TPP2: variants seen among roughly 807,000 people sequenced by gnomAD.
TPP2 encodes the protein tripeptidyl-peptidase 2.
Under a neutral mutation model 155.9 loss-of-function variants are expected in TPP2, and 34 were observed. That is an observed-to-expected ratio of 0.22 (90% confidence interval 0.17 to 0.29). The LOEUF is 0.29. Among genes scored for constraint, TPP2 ranks in the 10% least tolerant of loss-of-function variants. TPP2 has a pLI of 1.00. For missense variants in TPP2, 1,028 were observed against 1,522.3 expected (o/e 0.68, Z 5.40); for synonymous variants, 510 against 529.4 (o/e 0.96, Z 0.50).
chr13:102,672,322 A>T (rs568123724), intron 27 of TPP2, among the ~76,000 whole-genome samples: 1 of 152,154 alleles, frequency 6.6e-6, no homozygotes, highest in Non-Finnish European at 1.5e-5. Flanking sequence ...CGACCCCCCA[A>T]GTAGAAAGCA....
At position 102,644,681 on chromosome 13, in the gene TPP2, C is replaced by T; in HGVS notation, c.2292+8C>T. 1 of 1,582,782 alleles carries T rather than the reference C, an allele frequency of 6.3e-7. No individual in the cohort carries two copies. Among genetic ancestry groups the T allele is most frequent in the Non-Finnish European group, 8.6e-7 (1 of 1,164,636 alleles). On this transcript the variant is annotated splice_region_variant and intron_variant, in intron 18 of 29. Coordinates refer to ENST00000376052, the MANE Select transcript of TPP2 (RefSeq NM_001330588.2). ...GCTCCTCAGTTAAACATTGTAAGTT[C>T]CACAACATTTTCATGATTTTTAATG...
intron 4 of TPP2, among the ~76,000 whole-genome samples, chr13:102,617,478 C>T (rs977400241): frequency 2.0e-5 from 3 of 152,102 alleles, no homozygotes; most frequent in Non-Finnish European, 2.9e-5. Flanking sequence ...GAAACAGCAT[C>T]GATGTTTGTG....
At chr13:102,618,601 T>G in intron 4 of TPP2, 121 bp from the exon 5 acceptor site, 1 of 1,325,490 alleles carries the variant, frequency 7.5e-7, no homozygotes, top group Non-Finnish European at 1.0e-6. Context: ...CAAAATTTTC[T>G]TACATTTTTT....
In TPP2 at chr13:102,645,458, C is replaced by T. The variant is rs1883039650; in HGVS notation, c.2393+449C>T. 2.6e-5 allele frequency among the ~76,000 whole-genome samples: 4 copies of T among 152,346 alleles called. No homozygotes were observed. In the South Asian group the frequency reaches 6.2e-4, roughly 24 times the overall value. On this transcript the variant is annotated intron_variant, in intron 19 of 29. Coordinates refer to ENST00000376052, the MANE Select transcript of TPP2 (RefSeq NM_001330588.2). Reference sequence around the variant, plus strand: ...AGCAGGGCACCTTGACCTGTGTTCACATACTCACTGTGTTATAAAGATACC... The same window carrying T: ...AGCAGGGCACCTTGACCTGTGTTCATATACTCACTGTGTTATAAAGATACC...
At chr13:102,602,869 TTC>T (rs2139407131) in intron 1 of TPP2, among the ~76,000 whole-genome samples, 1 of 152,338 alleles carries the variant, frequency 6.6e-6, no homozygotes, top group Non-Finnish European at 1.5e-5. Flanking sequence ...GTTTTTATGT[TTC>T]TGTTTCTTTC....
intron 19 of TPP2, among the ~76,000 whole-genome samples, chr13:102,645,368 T>C (rs1226098840): frequency 6.6e-6 from 1 of 152,244 alleles, no homozygotes; most frequent in Non-Finnish European, 1.5e-5. Flanking sequence ...AGAAACTGTT[T>C]ATTAAATGGT....
intron 28 of TPP2, 110 bp downstream of exon 28, chr13:102,674,600 G>C: frequency 9.6e-7 from 1 of 1,044,404 alleles, no homozygotes; most frequent in Non-Finnish European, 1.4e-6. Flanking sequence ...AAGAATCTAC[G>C]CTGGGCTCTG....
At chr13:102,619,375 A>C (rs1880986409) in intron 5 of TPP2, among the ~76,000 whole-genome samples, 1 of 152,082 alleles carries the variant, frequency 6.6e-6, no homozygotes. Flanking sequence ...TACTATCTGC[A>C]TGAAAACAGG....
intron 16 of TPP2, among the ~76,000 whole-genome samples, chr13:102,641,478 G>A (rs1172872922): frequency 6.6e-6 from 1 of 152,164 alleles, no homozygotes; most frequent in Non-Finnish European, 1.5e-5. Flanking sequence ...ACTTAGGAGT[G>A]TGTTTTTTGT....
At chr13:102,629,110 T>A (rs547811110) in intron 8 of TPP2, among the ~76,000 whole-genome samples, 5 of 152,320 alleles carry the variant, frequency 3.3e-5, no homozygotes, top group African/African-American at 1.2e-4. Context: ...TACTGGTTCT[T>A]TTGGTCAATT....
In TPP2 at chr13:102,661,632, A is replaced by G. The variant is rs144055346; in HGVS notation, c.3144-2016A>G. ...AAATGGGTGAGTAATCTGAATAGAT[A>G]TTTCTATAAAGATGTACAAATGACC... On this transcript the variant is annotated intron_variant, in intron 25 of 29. Transcript: ENST00000376052. Among the ~76,000 whole-genome samples the G allele has an allele frequency of 3.2e-3, 485 of 152,338 alleles. 2 individuals are homozygous for G. Among genetic ancestry groups the G allele is most frequent in the African/African-American group, 0.011 (444 of 41,576 alleles).
intron 29 of TPP2, among the ~76,000 whole-genome samples, chr13:102,677,733 G>A (rs1205105393): frequency 1.3e-5 from 2 of 152,228 alleles, no homozygotes; most frequent in Non-Finnish European, 2.9e-5. Flanking sequence ...TCCCCAGTTA[G>A]TTTATATTGT....
intron 2 of TPP2, among the ~76,000 whole-genome samples, chr13:102,608,928 G>T (rs1200262007): frequency 4.6e-5 from 7 of 152,124 alleles, no homozygotes; most frequent in Admixed American, 3.3e-4. Context: ...GCTTATGTAG[G>T]GTCTTTTGGT....
intron 5 of TPP2, among the ~76,000 whole-genome samples, chr13:102,621,715 A>C (rs1881180539): frequency 6.6e-6 from 1 of 152,162 alleles, no homozygotes; most frequent in South Asian, 2.1e-4. Flanking sequence ...AGCGGTAAGG[A>C]AGAGACAGTG....
Position 102,678,325 on chromosome 13 carries a change from A to G in TPP2, c.*9A>G. 6.2e-7 allele frequency: 1 copy of G among 1,602,028 alleles called. No individual in the cohort carries two copies. Among genetic ancestry groups the G allele is most frequent in the South Asian group, 1.1e-5 (1 of 87,674 alleles). ...ATTATTGCGTATTCTAAAATAGGAA[A>G]CAAGACTTTAAATTTTAAAAAAGGA... is the stretch of plus-strand genomic sequence containing the variant. On this transcript the variant is annotated 3_prime_UTR_variant, in exon 30 of 30. Transcript: ENST00000376052.
chr13:102,642,193 AT>A (rs2139524572), intron 16 of TPP2, among the ~76,000 whole-genome samples: 2 of 152,260 alleles, frequency 1.3e-5, no homozygotes, highest in East Asian at 3.9e-4. Flanking sequence ...CTTCGTTGGG[AT>A]TACGCTCACA....
At chr13:102,661,096 G>A (rs1401141124) in intron 25 of TPP2, among the ~76,000 whole-genome samples, 1 of 117,282 alleles carries the variant, frequency 8.5e-6, no homozygotes, top group Non-Finnish European at 1.8e-5. Flanking sequence ...AAAAGCATAA[G>A]TAACATAAGA....
chr13:102,666,878 C>G (rs1317686927), intron 27 of TPP2, among the ~76,000 whole-genome samples: 2 of 135,990 alleles, frequency 1.5e-5, no homozygotes, highest in East Asian at 4.9e-4. Context: ...AGCCATAAAA[C>G]TTTGTAAAAA....
At position 102,679,385 on chromosome 13, in the gene TPP2, ATC is replaced by A. The variant is rs1885493652; in HGVS notation, c.*1074_*1075del. On this transcript the variant is annotated 3_prime_UTR_variant, in exon 30 of 30. Coordinates refer to ENST00000376052, the MANE Select transcript of TPP2 (RefSeq NM_001330588.2). ...TTTTATCTTTGGCTACTGCACGTGC[ATC>A]TCTCGTCATTCCTCCACCAAATAAA... The A allele has an allele frequency of 6.6e-6, 1 of 152,174 alleles. No individual in the cohort carries two copies. Among genetic ancestry groups the A allele is most frequent in the Non-Finnish European group, 1.5e-5 (1 of 68,020 alleles). The allele number at this position is 152,174 out of a possible 1,614,324, so 9.4% of individuals were successfully genotyped here. A position where few individuals can be genotyped will look rare whatever the true frequency, so the allele number is the denominator to read the frequency against.
Sources: allele counts gnomAD v4.1 joint callset (sites outside exome capture counted in the v4.1 genomes callset), GRCh38; gene constraint gnomAD v4.1.1; transcripts MANE v1.5; gene names NCBI Gene and HGNC (gene_info 2026-07-23, HGNC 2026-07-21).